Variants in NOM1 observed in about 807,000 individuals in gnomAD.
NOM1 encodes nucleolar MIF4G domain-containing protein 1.
NOM1 carries 58 observed loss-of-function variants against 73.3 expected under a neutral mutation model. That is an observed-to-expected ratio of 0.79 (90% confidence interval 0.64 to 0.99). NOM1 has a LOEUF of 0.99. Among genes scored for constraint, NOM1 ranks in the 50% least tolerant of loss-of-function variants. NOM1 has a pLI of 0.00. For synonymous variants in NOM1, 487 were observed against 446.8 expected, an observed-to-expected ratio of 1.09 and a Z score of -1.14; for missense variants, 1,226 against 1,131.9, an observed-to-expected ratio of 1.08 and a Z score of -1.19.
chr7:156,956,618 A>G (rs986849352), intron 3 of NOM1, among the ~76,000 whole-genome samples: 2 of 152,210 alleles, frequency 1.3e-5, no homozygotes, highest in Non-Finnish European at 2.9e-5. Flanking sequence ...CCTGTGGGGC[A>G]TTAGGAAGCT....
At position 156,950,331 on chromosome 7, in the gene NOM1, C is replaced by T; in HGVS notation, c.594C>T (p.Arg198=). Residue 198 remains arginine (R), a synonymous_variant, in exon 1 of 11, where the codon CGC becomes CGT. Transcript: ENST00000275820. ...KLERCLGLNK[R]KKKDGSSSVP... is the part of the protein sequence containing the mutation. Reference sequence around the variant, plus strand: ...AGCGTTGCCTCGGTTTGAACAAGCGCAAAAAGAAGGACGGCAGCAGCTCCG... The same window carrying T: ...AGCGTTGCCTCGGTTTGAACAAGCGTAAAAAGAAGGACGGCAGCAGCTCCG... 3 of 1,613,758 alleles carry T rather than the reference C, an allele frequency of 1.9e-6. No individual in the cohort carries two copies. The South Asian group carries it at 3.3e-5, about 18-fold the overall frequency.
chr7:156,967,862 G>A (rs978585119), intron 9 of NOM1, among the ~76,000 whole-genome samples: 2 of 152,068 alleles, frequency 1.3e-5, no homozygotes, highest in Admixed American at 1.3e-4. Flanking sequence ...GGGGTTAGAT[G>A]TGGGCCTGTA....
chr7:156,954,023 A>G (rs557122894), intron 2 of NOM1, 80 bp from the exon 3 acceptor site: 1 of 1,202,600 alleles, frequency 8.3e-7, no homozygotes, highest in Admixed American at 2.3e-5. Flanking sequence ...TGGTATGGAT[A>G]ACTCTTTAAT....
At chr7:156,967,515 A>G (rs115525448) in intron 9 of NOM1, among the ~76,000 whole-genome samples, 2,014 of 151,600 alleles carry the variant, frequency 0.013, 47 homozygotes, top group African/African-American at 0.045. Context: ...TTTGCAGTGG[A>G]CCATGAAACA....
Position 156,962,211 on chromosome 7 carries a change from G to T in NOM1, c.1693G>T (p.Gly565Cys), listed in dbSNP as rs759691948. The part of the protein sequence containing the change: ...LKNNDMRKIP[G>C]YDPEPVEKLR... ...GAACAATGACATGCGCAAAATTCCA[G>T]GCTATGACCCCGAGCCCGTGGAGAA... Residue 565 changes from glycine (G) to cysteine (C), a missense_variant, in exon 5 of 11, where the codon GGC becomes TGC. By Grantham distance (159) the Gly-to-Cys change is radical. Transcript: ENST00000275820. 6.2e-7 allele frequency: 1 copy of T among 1,614,164 alleles called. No individual in the cohort carries two copies. Among genetic ancestry groups the T allele is most frequent in the South Asian group, 1.1e-5 (1 of 91,086 alleles).
chr7:156,949,862 T>C lies in NOM1; in HGVS notation c.125T>C (p.Leu42Pro). The C allele has an allele frequency of 2.0e-6, 3 of 1,509,160 alleles. No individual in the cohort carries two copies. The highest frequency in any genetic ancestry group is 1.3e-5 in the South Asian group (1 of 78,652). The allele number at this position is 1,509,160 out of a possible 1,614,324, so 93.5% of individuals were successfully genotyped here. Residue 42 changes from leucine (L) to proline (P), a missense_variant, in exon 1 of 11, where the codon CTG becomes CCG. Leu to Pro is a moderately conservative substitution (Grantham distance 98). Transcript: ENST00000275820. Reference protein sequence around the residue: ...RGPAGGGEKALKRLKLAVEEF... With the variant: ...RGPAGGGEKAPKRLKLAVEEF... The stretch of plus-strand genomic sequence containing the variant: ...CCTGCTGGCGGTGGGGAGAAGGCCC[T>C]GAAGAGGCTGAAGCTAGCGGTGGAG...
intron 3 of NOM1, among the ~76,000 whole-genome samples, chr7:156,954,522 C>CTTTTGTTTTTTTTTTTTTTT (rs1804672533): frequency 9.8e-6 from 1 of 101,660 alleles, no homozygotes; most frequent in Admixed American, 1.1e-4. Flanking sequence ...TCTGTCCATT[C>CTTTTGTTTTTTTTTTTTTTT]TTTTTTTTTT....
In NOM1 at chr7:156,966,980, T is replaced by C; in HGVS notation, c.2186T>C (p.Ile729Thr). Residue 729 changes from isoleucine to threonine, a missense_variant, in exon 9 of 11, where the codon ATA becomes ACA. Coordinates refer to ENST00000275820, the MANE Select transcript of NOM1 (RefSeq NM_138400.2). The part of the protein sequence containing the change: ...RRFQMTFQFS[I>T]WDKFRDLENL... The stretch of plus-strand genomic sequence containing the variant: ...TACTAGATGACTTTCCAGTTCAGCA[T>C]ATGGGACAAATTTCGGGACTTGGAA... 1 of 1,613,924 alleles carries C rather than the reference T, an allele frequency of 6.2e-7. No homozygotes were observed. Among genetic ancestry groups the C allele is most frequent in the Non-Finnish European group, 8.5e-7 (1 of 1,179,952 alleles).
intron 6 of NOM1, 93 bp downstream of exon 6, chr7:156,963,268 C>A: frequency 2.3e-6 from 3 of 1,311,612 alleles, no homozygotes; most frequent in Non-Finnish European, 3.3e-6. Context: ...TCTTACTGTT[C>A]TTGAATGGTC....
Position 156,949,985 on chromosome 7 carries a change from A to G in NOM1, c.248A>G (p.Lys83Arg). ...SFRPGGRKSR[K>R]ELRKEKRHLR... ...CGCCCGGGAGGGAGAAAAAGCCGTA[A>G]GGAACTGAGGAAGGAGAAGCGGCAC... Residue 83 changes from lysine to arginine, a missense_variant, in exon 1 of 11, where the codon AAG becomes AGG. Lys to Arg is a conservative substitution (Grantham distance 26). Coordinates refer to ENST00000275820, the MANE Select transcript of NOM1 (RefSeq NM_138400.2). 1 of 1,540,474 alleles carries G rather than the reference A, an allele frequency of 6.5e-7. No homozygotes were observed. The highest frequency in any genetic ancestry group is 8.7e-7 in the Non-Finnish European group (1 of 1,146,732).
intron 9 of NOM1, among the ~76,000 whole-genome samples, chr7:156,968,066 C>G (rs977235015): frequency 6.6e-6 from 1 of 152,200 alleles, no homozygotes; most frequent in Admixed American, 6.5e-5. Context: ...CATGCCGGCT[C>G]CAGTTCACCC....
At position 156,971,460 on chromosome 7, in the gene NOM1, T is replaced by TA. The variant is rs201969880; in HGVS notation, c.*1758dup. On this transcript the variant is annotated 3_prime_UTR_variant, in exon 11 of 11. Coordinates refer to ENST00000275820, the MANE Select transcript of NOM1 (RefSeq NM_138400.2). ...CAGAGTGCAGTGGCACGATCATAGTTACCGCAGCATCAAATTCCTGGACTG... is the reference window on the plus strand; with the variant it reads ...CAGAGTGCAGTGGCACGATCATAGTTAACCGCAGCATCAAATTCCTGGACTG... The TA allele has an allele frequency of 0.038, 5,728 of 152,360 alleles. 179 individuals carry two copies. Among genetic ancestry groups the TA allele is most frequent in the South Asian group, 0.093 (448 of 4,830 alleles). 9.4% of individuals were successfully genotyped at this position (152,360 alleles called of 1,614,324 possible). A position where few individuals can be genotyped will look rare whatever the true frequency, so the allele number is the denominator to read the frequency against.
intron 3 of NOM1, among the ~76,000 whole-genome samples, chr7:156,955,865 A>G (rs10949615): frequency 0.79 from 120,208 of 152,166 alleles, 47,573 homozygotes; most frequent in Admixed American, 0.86. Flanking sequence ...GAGTCTTACC[A>G]AGTGGGGCTC....
chr7:156,962,051 C>T (rs74442924), intron 4 of NOM1, 100 bp from the exon 5 acceptor site: 44,094 of 894,290 alleles, frequency 0.049, 1,434 homozygotes, highest in East Asian at 0.14. Flanking sequence ...GTGGCGGTGG[C>T]GGCCATGTGC....
Position 156,972,964 on chromosome 7 carries a change from T to G in NOM1, c.*3261T>G, listed in dbSNP as rs1317243970. 1 of 152,238 alleles carries G rather than the reference T, an allele frequency of 6.6e-6. No individual in the cohort carries two copies. The highest frequency in any genetic ancestry group is 1.9e-4 in the East Asian group (1 of 5,202). The allele number at this position is 152,238 out of a possible 1,614,324, so 9.4% of individuals were successfully genotyped here. On this transcript the variant is annotated 3_prime_UTR_variant, in exon 11 of 11. Coordinates refer to ENST00000275820, the MANE Select transcript of NOM1 (RefSeq NM_138400.2). ...AAATATATAGGGGGTTTTTTGAAAT[T>G]TATTACAGTGCAATTGAAAATACAC... is the stretch of plus-strand genomic sequence containing the variant.
At position 156,959,755 on chromosome 7, in the gene NOM1, C is replaced by T. The variant is rs567429676; in HGVS notation, c.1309-96C>T. 6 of 1,227,642 alleles carry T rather than the reference C, an allele frequency of 4.9e-6. No individual in the cohort carries two copies. In the African/African-American group the frequency reaches 9.1e-5, roughly 19 times the overall value. 76.0% of individuals were successfully genotyped at this position (1,227,642 alleles called of 1,614,324 possible). A position where few individuals can be genotyped will look rare whatever the true frequency, so the allele number is the denominator to read the frequency against. ...CTTGTTGGAATGCCCTGCCTTGTGG[C>T]ACTTTGTTAATTTAGAAAGTGCCAG... On this transcript the variant is annotated intron_variant, in intron 3 of 10. Coordinates refer to ENST00000275820, the MANE Select transcript of NOM1 (RefSeq NM_138400.2).
At chr7:156,965,147 G>A (rs1210584745) in intron 7 of NOM1, among the ~76,000 whole-genome samples, 1 of 152,240 alleles carries the variant, frequency 6.6e-6, no homozygotes, top group Admixed American at 6.5e-5. Context: ...ACGTGGGGCT[G>A]TGCTGTTTGC....
chr7:156,958,426 G>A (rs910124008), intron 3 of NOM1, among the ~76,000 whole-genome samples: 6 of 152,162 alleles, frequency 3.9e-5, no homozygotes, highest in African/African-American at 1.2e-4. Context: ...TTAGGCCATC[G>A]TCTCCTGGCT....
In NOM1 at chr7:156,954,207, G is replaced by A. The variant is rs1177942576; in HGVS notation, c.1217G>A (p.Gly406Asp). 2 of 1,613,848 alleles carry A rather than the reference G, an allele frequency of 1.2e-6. No homozygotes were observed. Among genetic ancestry groups the A allele is most frequent in the South Asian group, 1.1e-5 (1 of 91,036 alleles). ...MNDTLTSALMGACVTASAMPS... is the reference protein window; with the variant it reads ...MNDTLTSALMDACVTASAMPS... Reference sequence around the variant, plus strand: ...GACACCCTGACCTCCGCTCTCATGGGTGCCTGCGTCACTGCCTCGGCCATG... The same window carrying A: ...GACACCCTGACCTCCGCTCTCATGGATGCCTGCGTCACTGCCTCGGCCATG... The change falls in exon 3 of 11, where the codon GGT (glycine) becomes GAT (aspartate). Residue 406 changes from glycine to aspartate, a missense_variant. Transcript: ENST00000275820.
Sources: gnomAD v4.1 joint callset for allele counts (sites outside exome capture counted in the v4.1 genomes callset) on GRCh38, gnomAD v4.1.1 for gene constraint, MANE v1.5 for transcripts, NCBI Gene and HGNC (gene_info 2026-07-23, HGNC 2026-07-21) for gene names.